Variants in SLC25A48 observed in about 807,000 individuals in gnomAD.
The protein encoded by SLC25A48 is solute carrier family 25 member 48.
SLC25A48 carries 29 observed loss-of-function variants against 32.2 expected under a neutral mutation model. The ratio of observed to expected loss-of-function variants is 0.90; its 90% CI spans 0.67 to 1.23. SLC25A48 has a LOEUF of 1.23. Among genes scored for constraint, SLC25A48 ranks in the 50% most tolerant of loss-of-function variants. The probability of loss-of-function intolerance (pLI) is 0.00; values close to 1 mark genes in which losing one functional copy is unlikely to be tolerated. For synonymous variants in SLC25A48, 164 were observed against 172.3 expected (o/e 0.95, Z 0.38); for missense variants, 399 against 422.7 (o/e 0.94, Z 0.49).
At chr5:135,679,506 A>C (rs1055752660) in intron 3 of SLC25A48, among the ~76,000 whole-genome samples, 4 of 152,220 alleles carry the variant, frequency 2.6e-5, no homozygotes, top group Non-Finnish European at 4.4e-5. Context: ...AACCATATGC[A>C]GGTGGCTGAT....
At chr5:135,673,400 C>A (rs1295982540) in intron 3 of SLC25A48, among the ~76,000 whole-genome samples, 1 of 152,122 alleles carries the variant, frequency 6.6e-6, no homozygotes, top group East Asian at 1.9e-4. Flanking sequence ...GATATGGGCA[C>A]TTTAATTTTA....
At chr5:135,743,140 C>G (rs1460580768) in intron 3 of SLC25A48, among the ~76,000 whole-genome samples, 1 of 116,582 alleles carries the variant, frequency 8.6e-6, no homozygotes, top group African/African-American at 3.3e-5. Context: ...GTGGCATGAT[C>G]TCAGCTCACT....
At chr5:135,679,014 C>T (rs188337534) in intron 3 of SLC25A48, among the ~76,000 whole-genome samples, 1 of 152,152 alleles carries the variant, frequency 6.6e-6, no homozygotes, top group Non-Finnish European at 1.5e-5. Flanking sequence ...CTTAGGTCTG[C>T]AGGCAGCTTG....
rs140041003 is a variant in SLC25A48 at position 135,835,812 on chromosome 5, T to C, written c.46+919T>C. On this transcript the variant is annotated intron_variant, in intron 1 of 7. Coordinates refer to ENST00000681962, the MANE Select transcript of SLC25A48 (RefSeq NM_001349336.2). ...AAGATGAAAAGAACAACAAACCAGA[T>C]TGGATCCCAACTCCTCCCCTCCTAC... Among the ~76,000 whole-genome samples the C allele has an allele frequency of 1.3e-3, 201 of 151,620 alleles. 1 individual carries two copies. Among genetic ancestry groups the C allele is most frequent in the African/African-American group, 4.4e-3 (180 of 41,242 alleles).
At chr5:135,746,458 T>G (rs552180033) in intron 3 of SLC25A48, 6 of 230,292 alleles carry the variant, frequency 2.6e-5, no homozygotes, top group Admixed American at 1.2e-4. Flanking sequence ...TTCTCCATTC[T>G]GTCGCCTTTG....
chr5:135,862,261 T>C (rs1436995136), intron 4 of SLC25A48, among the ~76,000 whole-genome samples: 1 of 152,234 alleles, frequency 6.6e-6, no homozygotes, highest in East Asian at 1.9e-4. Context: ...CTCCCCCATC[T>C]GGGAGTGTTT....
At chr5:135,594,844 A>G (rs1751608830) in intron 1 of SLC25A48, among the ~76,000 whole-genome samples, 1 of 152,190 alleles carries the variant, frequency 6.6e-6, no homozygotes, top group Non-Finnish European at 1.5e-5. Context: ...ACCTTCACAC[A>G]CAGGCTCAGG....
intron 2 of SLC25A48, among the ~76,000 whole-genome samples, chr5:135,632,258 A>C (rs116246289): frequency 6.6e-6 from 1 of 152,204 alleles, no homozygotes; most frequent in Admixed American, 6.5e-5. Context: ...GGAAAGCGGC[A>C]AGGAAGTTTG....
chr5:135,714,067 A>T (rs1580807392), intron 3 of SLC25A48, among the ~76,000 whole-genome samples: 1 of 152,162 alleles, frequency 6.6e-6, no homozygotes, highest in East Asian at 1.9e-4. Flanking sequence ...ATGAAGTTAG[A>T]ACCATCTATG....
chr5:135,709,042 C>T (rs1386748852), intron 3 of SLC25A48, among the ~76,000 whole-genome samples: 1 of 152,166 alleles, frequency 6.6e-6, no homozygotes, highest in Non-Finnish European at 1.5e-5. Context: ...TGGAAAACTC[C>T]ATTCAAAGAA....
intron 3 of SLC25A48, among the ~76,000 whole-genome samples, chr5:135,788,631 A>G (rs761312472): frequency 1.1e-4 from 16 of 149,354 alleles, no homozygotes; most frequent in Non-Finnish European, 1.8e-4. Flanking sequence ...GGAGAGGGTG[A>G]TATTCCTCCC....
intron 3 of SLC25A48, among the ~76,000 whole-genome samples, chr5:135,695,020 C>T (rs1257460953): frequency 2.0e-5 from 3 of 152,210 alleles, no homozygotes; most frequent in Non-Finnish European, 4.4e-5. Flanking sequence ...ACCTCTCCTC[C>T]TGGCAGCCCT....
chr5:135,749,589 TG>T (rs758282503), intron 3 of SLC25A48, among the ~76,000 whole-genome samples: 3 of 151,906 alleles, frequency 2.0e-5, no homozygotes, highest in Non-Finnish European at 2.9e-5. Flanking sequence ...TATTTTTTTT[TG>T]GGGTGGGGTG....
intron 1 of SLC25A48, among the ~76,000 whole-genome samples, chr5:135,620,474 GA>G (rs1164658051): frequency 3.3e-5 from 5 of 152,190 alleles, no homozygotes; most frequent in Non-Finnish European, 7.4e-5. Context: ...TGCTACTGGG[GA>G]GAGCAGGGTT....
intron 3 of SLC25A48, among the ~76,000 whole-genome samples, chr5:135,777,377 G>T (rs1327659351): frequency 6.6e-6 from 1 of 151,550 alleles, no homozygotes; most frequent in Non-Finnish European, 1.5e-5. Flanking sequence ...ATTGTAGGGG[G>T]AGTACAGCCC....
In SLC25A48 at chr5:135,745,151, C is replaced by T. The variant is rs575020528; in HGVS notation, c.-520-67372C>T. On this transcript the variant is annotated intron_variant, in intron 3 of 10. Transcript: ENST00000646290. ...TGACAGCCTTCAGACCTGAGAGCCCCGAACAGAGTTTGACCCACATACTTA... is the reference window on the plus strand; with the variant it reads ...TGACAGCCTTCAGACCTGAGAGCCCTGAACAGAGTTTGACCCACATACTTA... 3.5e-4 allele frequency among the ~76,000 whole-genome samples: 53 copies of T among 152,236 alleles called. 1 individual carries two copies. Among genetic ancestry groups the T allele is most frequent in the Admixed American group, 1.5e-3 (23 of 15,290 alleles).
intron 3 of SLC25A48, among the ~76,000 whole-genome samples, chr5:135,676,822 TG>T (rs1195153723): frequency 6.6e-6 from 1 of 152,062 alleles, no homozygotes; most frequent in African/African-American, 2.4e-5. Context: ...AGACAATACT[TG>T]ATATGATTTT....
rs914294341 is a variant in SLC25A48 at position 135,692,916 on chromosome 5, T to A, written c.-521+57960T>A. Among the ~76,000 whole-genome samples the A allele has an allele frequency of 2.0e-5, 3 of 152,348 alleles. No homozygotes were observed. In the South Asian group the frequency reaches 6.2e-4, roughly 32 times the overall value. On this transcript the variant is annotated intron_variant, in intron 3 of 10. Coordinates refer to the SLC25A48 transcript ENST00000646290. ...GAAGACTGAGATTTGGATTAGAATATAAGGTCCAATGAGTAAAGGTCCTCT... is the reference window on the plus strand; with the variant it reads ...GAAGACTGAGATTTGGATTAGAATAAAAGGTCCAATGAGTAAAGGTCCTCT...
chr5:135,659,614 A>G (rs990656590), intron 3 of SLC25A48, among the ~76,000 whole-genome samples: 3 of 152,176 alleles, frequency 2.0e-5, no homozygotes, highest in Non-Finnish European at 4.4e-5. Flanking sequence ...ATTTTCTTGT[A>G]TTAGTCTGTT....
Sources: allele counts gnomAD v4.1 joint callset (sites outside exome capture counted in the v4.1 genomes callset), GRCh38; gene constraint gnomAD v4.1.1; transcripts MANE v1.5; gene names NCBI Gene and HGNC (gene_info 2026-07-23, HGNC 2026-07-21).